The following PTK2 variants were observed in gnomAD, a reference collection of about 807,000 sequenced individuals.
PTK2 encodes the protein protein tyrosine kinase 2.
In PTK2, 45 loss-of-function variants were observed where a neutral mutation model predicts 150.1. The observed-to-expected ratio is 0.30, with a 90% CI of 0.24 to 0.38. PTK2 has a LOEUF of 0.38. PTK2 is among the 10% of genes least tolerant of loss of function. The pLI is 1.00. For missense variants in PTK2, 919 were observed against 1,307.3 expected (o/e 0.70, Z 4.58); for synonymous variants, 432 against 449.2 (o/e 0.96, Z 0.48).
At chr8:140,956,158 T>C (rs59141928) in intron 1 of PTK2, among the ~76,000 whole-genome samples, 1 of 152,346 alleles carries the variant, frequency 6.6e-6, no homozygotes, top group East Asian at 1.9e-4. Context: ...TGCTGGGGAT[T>C]TCCCAACAAA....
intron 1 of PTK2, among the ~76,000 whole-genome samples, chr8:140,982,909 T>C (rs568185691): frequency 2.6e-5 from 4 of 152,332 alleles, no homozygotes; most frequent in African/African-American, 7.2e-5. Context: ...CTGTATATGT[T>C]TGAAAACTTC....
At chr8:140,975,721 C>A (rs951280572) in intron 1 of PTK2, among the ~76,000 whole-genome samples, 2 of 152,112 alleles carry the variant, frequency 1.3e-5, no homozygotes, top group African/African-American at 2.4e-5. Context: ...GGAAGTCTGC[C>A]GACCCCTGAG....
At chr8:140,659,363 G>C (rs1426861686) in exon 32 of PTK2, 1 of 994,682 alleles carries the variant, frequency 1.0e-6, no homozygotes, top group Non-Finnish European at 1.4e-6. Context: ...AGTTGGAGCT[G>C]TAAGTGCTGG....
chr8:140,848,096 C>A (rs1481461912), intron 5 of PTK2, among the ~76,000 whole-genome samples: 3 of 152,200 alleles, frequency 2.0e-5, no homozygotes, highest in Admixed American at 2.0e-4. Context: ...GAAGACAAAT[C>A]TCAAATGGCC....
intron 1 of PTK2, among the ~76,000 whole-genome samples, chr8:140,937,512 C>G (rs1311598271): frequency 2.0e-5 from 3 of 151,186 alleles, no homozygotes; most frequent in Non-Finnish European, 2.9e-5. Context: ...CAGGAACCAC[C>G]TTTGACTACA....
chr8:140,990,821 T>C (rs887782640), intron 1 of PTK2, among the ~76,000 whole-genome samples: 1 of 152,212 alleles, frequency 6.6e-6, no homozygotes, highest in Non-Finnish European at 1.5e-5. Flanking sequence ...CTTCAGATAT[T>C]TGATCTTTCC....
At chr8:140,826,025 A>G (rs2100111561) in intron 8 of PTK2, among the ~76,000 whole-genome samples, 1 of 152,258 alleles carries the variant, frequency 6.6e-6, no homozygotes, top group Admixed American at 6.5e-5. Context: ...ACTAAAGATA[A>G]TAAAACAATC....
intron 1 of PTK2, among the ~76,000 whole-genome samples, chr8:140,957,963 T>G (rs1163150980): frequency 6.6e-6 from 1 of 152,106 alleles, no homozygotes; most frequent in Admixed American, 6.5e-5. Flanking sequence ...AAAAGACAAA[T>G]CCACAGTGAT....
chr8:140,992,791 C>T (rs539694642), intron 1 of PTK2, among the ~76,000 whole-genome samples: 42 of 152,284 alleles, frequency 2.8e-4, no homozygotes, highest in Non-Finnish European at 4.9e-4. Context: ...TTTGAACTGT[C>T]ACTTTCAAAA....
At chr8:140,988,992 C>T (rs1303825492) in intron 1 of PTK2, among the ~76,000 whole-genome samples, 13 of 137,414 alleles carry the variant, frequency 9.5e-5, no homozygotes, top group Non-Finnish European at 2.2e-4. Flanking sequence ...TACTTCACAG[C>T]CTCAGGGTGG....
chr8:140,883,191 C>A (rs1342429340), intron 3 of PTK2, among the ~76,000 whole-genome samples: 1 of 152,194 alleles, frequency 6.6e-6, no homozygotes, highest in Non-Finnish European at 1.5e-5. Flanking sequence ...CTTTCATAAA[C>A]TGTTCATTCA....
intron 29 of PTK2, 86 bp from the exon 34 acceptor site, chr8:140,668,510 GA>G (rs983314523): frequency 1.4e-6 from 2 of 1,436,818 alleles, no homozygotes; most frequent in Non-Finnish European, 1.9e-6. Flanking sequence ...GTCTTTACAA[GA>G]GATCAAAGCA....
intron 7 of PTK2, among the ~76,000 whole-genome samples, chr8:140,835,675 C>T (rs1051172670): frequency 1.3e-5 from 2 of 152,056 alleles, no homozygotes; most frequent in African/African-American, 2.4e-5. Context: ...TATGGCTATG[C>T]GACTATGTTT....
intron 1 of PTK2, among the ~76,000 whole-genome samples, chr8:140,989,683 C>T (rs987406636): frequency 6.6e-6 from 1 of 151,836 alleles, no homozygotes; most frequent in Non-Finnish European, 1.5e-5. Context: ...CCGAGGCGGG[C>T]GGATCACCTA....
rs145939286 is a variant in PTK2 at position 140,707,373 on chromosome 8, G to A, written c.2143-1168C>T. ...CAAAAGTCCTAAAACTGGTTGTGGC[G>A]ATGGTTGCACAACTCTGAATATACT... On this transcript the variant is annotated intron_variant, in intron 23 of 31. Coordinates refer to ENST00000522684, the Ensembl canonical transcript of PTK2. 3.7e-3 allele frequency among the ~76,000 whole-genome samples: 563 copies of A among 152,284 alleles called. 13 individuals carry two copies. The South Asian group carries it at 0.057, about 15-fold the overall frequency.
intron 23 of PTK2, among the ~76,000 whole-genome samples, chr8:140,715,155 G>GTTTTTTT (rs67306225): frequency 3.6e-5 from 2 of 56,018 alleles, no homozygotes; most frequent in African/African-American, 6.4e-5. Flanking sequence ...CATTAAAACC[G>GTTTTTTT]TTTTTTTTTT....
At chr8:140,761,412 AAAC>A in intron 15 of PTK2, 150 bp from the exon 19 acceptor site, 1 of 713,226 alleles carries the variant, frequency 1.4e-6, no homozygotes, top group Non-Finnish European at 2.5e-6. Context: ...GAATTCTCTT[AAAC>A]AATATTTTAA....
intron 27 of PTK2, among the ~76,000 whole-genome samples, chr8:140,675,934 T>C (rs2100013361): frequency 6.6e-6 from 1 of 152,194 alleles, no homozygotes; most frequent in African/African-American, 2.4e-5. Context: ...AACAAATCAT[T>C]GTATCAAAAA....
At chr8:140,673,995 C>T (rs2100012142) in intron 29 of PTK2, 17 of 494,770 alleles carry the variant, frequency 3.4e-5, no homozygotes, top group South Asian at 2.7e-4. Flanking sequence ...GCACTTTGTT[C>T]TAAAGAAAAC....
Sources: allele counts gnomAD v4.1 joint callset (sites outside exome capture counted in the v4.1 genomes callset), GRCh38; gene constraint gnomAD v4.1.1; transcripts MANE v1.5; gene names NCBI Gene and HGNC (gene_info 2026-07-23, HGNC 2026-07-21).